The following AUTS2 variants were observed in gnomAD, a reference collection of about 807,000 sequenced individuals.
The protein encoded by AUTS2 is activator of transcription and developmental regulator AUTS2, also known as autism susceptibility gene 2 protein.
In AUTS2, 17 loss-of-function variants were observed where a neutral mutation model predicts 112.4. The observed-to-expected ratio is 0.15, with a 90% CI of 0.10 to 0.23. The LOEUF (loss-of-function observed/expected upper bound fraction) is 0.23, where lower values mean the gene tolerates loss of function less well. AUTS2 is among the 10% of genes least tolerant of loss of function. AUTS2 has a pLI of 1.00. For synonymous variants in AUTS2, 751 were observed against 702.7 expected (o/e 1.07, Z -1.09); for missense variants, 1,510 against 1,701.6 (o/e 0.89, Z 1.98).
At chr7:70,723,975 C>T (rs981118969) in intron 6 of AUTS2, among the ~76,000 whole-genome samples, 6 of 152,066 alleles carry the variant, frequency 3.9e-5, no homozygotes, top group Non-Finnish European at 5.9e-5. Flanking sequence ...TCACTGCAAG[C>T]TCCACCTCCC....
intron 5 of AUTS2, among the ~76,000 whole-genome samples, chr7:70,443,754 G>A (rs1422209433): frequency 6.6e-6 from 1 of 152,172 alleles, no homozygotes; most frequent in Non-Finnish European, 1.5e-5. Flanking sequence ...CTGATGAACT[G>A]ACATGAGAAT....
chr7:70,047,699 T>C (rs1429879003), intron 2 of AUTS2, among the ~76,000 whole-genome samples: 3 of 152,178 alleles, frequency 2.0e-5, no homozygotes, highest in Non-Finnish European at 4.4e-5. Context: ...GGAGAGACTG[T>C]AAGAAACTTT....
chr7:69,671,486 G>GGTGTGTGTGTGT (rs201047003), intron 1 of AUTS2, among the ~76,000 whole-genome samples: 17 of 138,616 alleles, frequency 1.2e-4, no homozygotes, highest in African/African-American at 4.3e-4. Context: ...TGCTGCTGCT[G>GGTGTGTGTGTGT]GTGTGTGTGT....
rs183564984 is a variant in AUTS2, at chr7:70,177,361, C to T, written c.660+42790C>T. ...AGTCGCCATATAGCTAGTAGCTGGC[C>T]GAGCCATGATTTGAACTTAGCTGTG... On this transcript the variant is annotated intron_variant, in intron 4 of 18. Transcript: ENST00000342771. Among the ~76,000 whole-genome samples, 30 of 151,828 alleles carry T rather than the reference C, an allele frequency of 2.0e-4. No homozygotes were observed. In the East Asian group the frequency reaches 4.8e-3, roughly 24 times the overall value.
intron 1 of AUTS2, among the ~76,000 whole-genome samples, chr7:69,850,545 G>A (rs1240494764): frequency 1.3e-5 from 2 of 150,780 alleles, no homozygotes; most frequent in Admixed American, 6.6e-5. Flanking sequence ...TAATATGGCT[G>A]TTCTGATAGG....
intron 5 of AUTS2, among the ~76,000 whole-genome samples, chr7:70,567,852 T>C (rs1365399710): frequency 6.6e-6 from 1 of 152,156 alleles, no homozygotes; most frequent in Non-Finnish European, 1.5e-5. Context: ...GGTAAAGCTG[T>C]TTTTTAATGT....
In AUTS2 at chr7:69,933,950, G is replaced by A. The variant is rs183495338; in HGVS notation, c.522+34452G>A. Among the ~76,000 whole-genome samples the A allele has an allele frequency of 1.4e-3, 219 of 152,304 alleles. 1 individual carries two copies. The highest frequency in any genetic ancestry group is 2.7e-3 in the Admixed American group (42 of 15,302). ...AGACTAAAACCAGAAATTGTTGCTT[G>A]AACATGTAATGGATAATTGTTAAAA... On this transcript the variant is annotated intron_variant, in intron 2 of 18. Coordinates refer to ENST00000342771, the MANE Select transcript of AUTS2 (RefSeq NM_015570.4).
intron 4 of AUTS2, among the ~76,000 whole-genome samples, chr7:70,277,612 C>T (rs952089189): frequency 2.6e-5 from 4 of 151,868 alleles, no homozygotes; most frequent in Admixed American, 1.3e-4. Flanking sequence ...GATAGTATTA[C>T]GGGGGGAGAT....
At chr7:70,327,231 A>G (rs1027299512) in intron 4 of AUTS2, among the ~76,000 whole-genome samples, 6 of 152,152 alleles carry the variant, frequency 3.9e-5, no homozygotes, top group Admixed American at 6.5e-5. Flanking sequence ...CAGTTCTTAC[A>G]TAATGAGGGC....
intron 4 of AUTS2, among the ~76,000 whole-genome samples, chr7:70,347,493 T>C (rs1192006184): frequency 6.6e-6 from 1 of 152,192 alleles, no homozygotes; most frequent in Non-Finnish European, 1.5e-5. Flanking sequence ...GGATGTTTTT[T>C]CTTTCTCCTC....
chr7:69,872,866 A>G (rs537670177), intron 1 of AUTS2, among the ~76,000 whole-genome samples: 10 of 103,468 alleles, frequency 9.7e-5, no homozygotes, highest in African/African-American at 4.5e-4. Flanking sequence ...TTTTTGAGAC[A>G]GAGTCTCACT....
At chr7:70,746,844 T>G (rs1454733067) in intron 6 of AUTS2, among the ~76,000 whole-genome samples, 1 of 152,208 alleles carries the variant, frequency 6.6e-6, no homozygotes, top group African/African-American at 2.4e-5. Context: ...GTGATTATTG[T>G]CAGCATGATC....
chr7:69,755,159 A>G (rs1787896748), intron 1 of AUTS2, among the ~76,000 whole-genome samples: 1 of 152,140 alleles, frequency 6.6e-6, no homozygotes, highest in Admixed American at 6.5e-5. Context: ...GGAGCTGGCC[A>G]TTTTGAGACA....
chr7:69,975,335 A>T (rs1054101774), intron 2 of AUTS2, among the ~76,000 whole-genome samples: 1 of 151,804 alleles, frequency 6.6e-6, no homozygotes, highest in Non-Finnish European at 1.5e-5. Flanking sequence ...TGGTGTGGGT[A>T]TCTTTGAGCT....
At chr7:70,664,153 A>G (rs779442815) in intron 5 of AUTS2, among the ~76,000 whole-genome samples, 1 of 152,234 alleles carries the variant, frequency 6.6e-6, no homozygotes, top group Non-Finnish European at 1.5e-5. Flanking sequence ...TCTTTAATAT[A>G]CAAGAAGAGA....
At chr7:69,762,293 CTTTTTTTTTTTT>C (rs534032498) in intron 1 of AUTS2, among the ~76,000 whole-genome samples, 166 of 61,596 alleles carry the variant, frequency 2.7e-3, no homozygotes, top group Admixed American at 4.9e-3. Context: ...GCCAAGTTGT[CTTTTTTTTTTTT>C]TTTTTTTTTT....
At chr7:70,568,603 A>G (rs1267430365) in intron 5 of AUTS2, among the ~76,000 whole-genome samples, 2 of 152,216 alleles carry the variant, frequency 1.3e-5, no homozygotes, top group Non-Finnish European at 2.9e-5. Context: ...AAGTGGGCAC[A>G]CAGGACACCT....
intron 1 of AUTS2, among the ~76,000 whole-genome samples, chr7:69,658,242 A>C (rs1482496746): frequency 1.3e-5 from 2 of 152,252 alleles, no homozygotes; most frequent in Non-Finnish European, 2.9e-5. Context: ...GCTATCTGGC[A>C]CTTCACAGAA....
At chr7:70,695,703 C>T (rs1474768934) in intron 5 of AUTS2, among the ~76,000 whole-genome samples, 2 of 143,876 alleles carry the variant, frequency 1.4e-5, no homozygotes, top group Admixed American at 1.4e-4. Flanking sequence ...GCGTTCCCGC[C>T]TCCAATCTGT....
Sources: allele counts gnomAD v4.1 joint callset (sites outside exome capture counted in the v4.1 genomes callset), GRCh38; gene constraint gnomAD v4.1.1; transcripts MANE v1.5; gene names NCBI Gene and HGNC (gene_info 2026-07-23, HGNC 2026-07-21).